The following KCND2 variants were observed in gnomAD, a reference collection of about 807,000 sequenced individuals.
The protein encoded by KCND2 is A-type voltage-gated potassium channel KCND2.
A neutral mutation model predicts 54.4 loss-of-function variants in KCND2; 16 were observed. The observed-to-expected ratio is 0.29, with a 90% CI of 0.20 to 0.45. The LOEUF is 0.45. Ranked by LOEUF, KCND2 falls within the 20% of genes least tolerant of loss-of-function variation. The probability of loss-of-function intolerance (pLI) is 1.00; values close to 1 mark genes in which losing one functional copy is unlikely to be tolerated. For missense variants in KCND2, 486 were observed against 824.2 expected (o/e 0.59, Z 5.02); for synonymous variants, 317 against 310.7 (o/e 1.02, Z -0.21).
chr7:120,616,032 T>C (rs1315293494), intron 1 of KCND2, among the ~76,000 whole-genome samples: 1 of 152,178 alleles, frequency 6.6e-6, no homozygotes, highest in East Asian at 1.9e-4. Context: ...GTTAGTTACT[T>C]TTATGTTTTC....
intron 1 of KCND2, among the ~76,000 whole-genome samples, chr7:120,677,556 G>GATATAGATATAGAT (rs1562906460): frequency 4.6e-4 from 49 of 107,528 alleles, no homozygotes; most frequent in African/African-American, 2.2e-3. Flanking sequence ...TAGATATATA[G>GATATAGATATAGAT]ATATATAGAT....
intron 1 of KCND2, among the ~76,000 whole-genome samples, chr7:120,390,746 A>T (rs1049523256): frequency 2.6e-5 from 4 of 152,018 alleles, no homozygotes; most frequent in Non-Finnish European, 4.4e-5. Context: ...GCTCAATAAT[A>T]GATATATAAT....
At chr7:120,409,117 T>C (rs1801409570) in intron 1 of KCND2, among the ~76,000 whole-genome samples, 1 of 151,930 alleles carries the variant, frequency 6.6e-6, no homozygotes, top group African/African-American at 2.4e-5. Flanking sequence ...TATTCCAATT[T>C]GGAAAACAGA....
intron 1 of KCND2, among the ~76,000 whole-genome samples, chr7:120,595,547 GTGTGTGTGTATATATA>G (rs1457011938): frequency 4.3e-5 from 6 of 138,904 alleles, no homozygotes; most frequent in Admixed American, 1.5e-4. Context: ...ATATGTATAT[GTGTGTGTGTATATATA>G]TGTGTGTGTA....
At chr7:120,393,244 G>A (rs1038705749) in intron 1 of KCND2, among the ~76,000 whole-genome samples, 2 of 151,926 alleles carry the variant, frequency 1.3e-5, no homozygotes, top group South Asian at 2.1e-4. Context: ...AGGAATAATT[G>A]TAGATAACTG....
intron 1 of KCND2, among the ~76,000 whole-genome samples, chr7:120,382,251 G>A (rs981280911): frequency 2.0e-5 from 3 of 151,778 alleles, no homozygotes; most frequent in Non-Finnish European, 2.9e-5. Context: ...TGAATATGAA[G>A]CCATGATCCT....
At chr7:120,605,090 A>G (rs1230964602) in intron 1 of KCND2, among the ~76,000 whole-genome samples, 1 of 152,200 alleles carries the variant, frequency 6.6e-6, no homozygotes, top group African/African-American at 2.4e-5. Flanking sequence ...AGTGGTTTTC[A>G]AAGGGGTTAC....
At chr7:120,707,089 C>T (rs1792478135) in intron 1 of KCND2, among the ~76,000 whole-genome samples, 1 of 151,994 alleles carries the variant, frequency 6.6e-6, no homozygotes, top group Non-Finnish European at 1.5e-5. Context: ...TGCAGCAAAC[C>T]CTGCTTTATC....
At chr7:120,736,454 T>A (rs536184730) in intron 2 of KCND2, among the ~76,000 whole-genome samples, 19 of 152,140 alleles carry the variant, frequency 1.2e-4, no homozygotes, top group Admixed American at 7.9e-4. Context: ...AGTTATACTA[T>A]AAGTATTTAC....
rs77758950 is a variant in KCND2, at chr7:120,639,103, C to A, written c.1116-93800C>A. ...CTTCAAATGCTAGTGTGCACACATACCTTGGCATTACTGAATAAAGCCTGT... is the reference window on the plus strand; with the variant it reads ...CTTCAAATGCTAGTGTGCACACATAACTTGGCATTACTGAATAAAGCCTGT... On this transcript the variant is annotated intron_variant, in intron 1 of 5. Transcript: ENST00000331113. 1.3e-3 allele frequency among the ~76,000 whole-genome samples: 194 copies of A among 152,216 alleles called. 4 individuals are homozygous for A. In the East Asian group the frequency reaches 0.036, roughly 28 times the overall value.
intron 1 of KCND2, among the ~76,000 whole-genome samples, chr7:120,609,457 G>C (rs147625641): frequency 6.6e-6 from 1 of 152,222 alleles, no homozygotes; most frequent in Non-Finnish European, 1.5e-5. Flanking sequence ...CCACTCATAT[G>C]GTCTAACCAT....
At chr7:120,450,408 A>C (rs186198121) in intron 1 of KCND2, among the ~76,000 whole-genome samples, 1 of 152,282 alleles carries the variant, frequency 6.6e-6, no homozygotes, top group African/African-American at 2.4e-5. Flanking sequence ...ACTCCGTCTA[A>C]AAAAAGAAAA....
At chr7:120,422,210 C>G (rs1801635918) in intron 1 of KCND2, among the ~76,000 whole-genome samples, 1 of 152,192 alleles carries the variant, frequency 6.6e-6, no homozygotes, top group African/African-American at 2.4e-5. Flanking sequence ...TCTTACCATT[C>G]TGGCTGGTAG....
chr7:120,519,685 T>C (rs1562862104), intron 1 of KCND2, among the ~76,000 whole-genome samples: 1 of 152,170 alleles, frequency 6.6e-6, no homozygotes, highest in Non-Finnish European at 1.5e-5. Flanking sequence ...AAACTAATTA[T>C]ATATATTTCC....
intron 1 of KCND2, among the ~76,000 whole-genome samples, chr7:120,460,240 T>C (rs73435842): frequency 0.013 from 1,938 of 152,272 alleles, 40 homozygotes; most frequent in African/African-American, 0.041. Flanking sequence ...TTTAGGAGTT[T>C]TCAAAGCTGG....
At chr7:120,567,678 T>C (rs891451339) in intron 1 of KCND2, among the ~76,000 whole-genome samples, 1 of 152,176 alleles carries the variant, frequency 6.6e-6, no homozygotes, top group African/African-American at 2.4e-5. Context: ...TATAATTGCT[T>C]CCTGACATGA....
At position 120,382,358 on chromosome 7, in the gene KCND2, C is replaced by A. The variant is rs199947454; in HGVS notation, c.1115+106611C>A. 2.0e-5 allele frequency among the ~76,000 whole-genome samples: 3 copies of A among 151,930 alleles called. No individual in the cohort carries two copies. In the East Asian group the frequency reaches 5.8e-4, roughly 29 times the overall value. ...TTCTGAACAAGAATATGGTAAATTA[C>A]GCTAAGCTGCTAGAAGAGTACAAGC... On this transcript the variant is annotated intron_variant, in intron 1 of 5. Transcript: ENST00000331113.
In KCND2 at chr7:120,524,576, C is replaced by A. The variant is rs186063525; in HGVS notation, c.1116-208327C>A. Among the ~76,000 whole-genome samples the A allele has an allele frequency of 5.1e-3, 773 of 152,174 alleles. 5 individuals carry two copies. The highest frequency in any genetic ancestry group is 0.018 in the African/African-American group (728 of 41,516). ...CTTTTACCTTAGAGTCATCTTAATT[C>A]ACAATAATGACAGAAAGATAATTGC... On this transcript the variant is annotated intron_variant, in intron 1 of 5. Coordinates refer to ENST00000331113, the MANE Select transcript of KCND2 (RefSeq NM_012281.3).
At chr7:120,632,073 A>G (rs989826125) in intron 1 of KCND2, among the ~76,000 whole-genome samples, 2 of 152,134 alleles carry the variant, frequency 1.3e-5, no homozygotes, top group Non-Finnish European at 2.9e-5. Flanking sequence ...ATGGATTTCT[A>G]TATATTTTTG....
Sources: allele counts gnomAD v4.1 joint callset (sites outside exome capture counted in the v4.1 genomes callset), GRCh38; gene constraint gnomAD v4.1.1; transcripts MANE v1.5; gene names NCBI Gene and HGNC (gene_info 2026-07-23, HGNC 2026-07-21).